Variants in SRGAP2B observed in about 807,000 individuals in gnomAD.
The protein encoded by SRGAP2B is SLIT-ROBO Rho GTPase-activating protein 2B.
SRGAP2B carries 9 observed loss-of-function variants against 22.2 expected under a neutral mutation model. That is an observed-to-expected ratio of 0.41 (90% CI 0.24 to 0.71). The LOEUF (loss-of-function observed/expected upper bound fraction) is 0.71, where lower values mean the gene tolerates loss of function less well. SRGAP2B is among the 30% of genes least tolerant of loss of function. The pLI, the probability that SRGAP2B is intolerant of heterozygous loss-of-function variation, is 0.35. For missense variants in SRGAP2B, 114 were observed against 235.8 expected, an observed-to-expected ratio of 0.48 and a Z score of 3.38; for synonymous variants, 36 against 87.4, an observed-to-expected ratio of 0.41 and a Z score of 3.28.
At chr1:144,940,886 T>C (rs1665987563) in intron 4 of SRGAP2B, among the ~76,000 whole-genome samples, 1 of 148,742 alleles carries the variant, frequency 6.7e-6, no homozygotes, top group Non-Finnish European at 1.5e-5. Context: ...TACAGACTGC[T>C]GTATGATCAT....
At chr1:144,975,036 G>T (rs1668793157) in intron 3 of SRGAP2B, among the ~76,000 whole-genome samples, 1 of 147,300 alleles carries the variant, frequency 6.8e-6, no homozygotes. Flanking sequence ...CCAGAAGTAG[G>T]GGAAAATGGT....
At chr1:144,924,731 C>CAAA (rs1156257790) in intron 4 of SRGAP2B, among the ~76,000 whole-genome samples, 3 of 58,184 alleles carry the variant, frequency 5.2e-5, no homozygotes, top group African/African-American at 2.2e-4. Context: ...AACTCCGTCT[C>CAAA]AAAAAAAAAA....
intron 2 of SRGAP2B, among the ~76,000 whole-genome samples, chr1:144,996,068 T>C (rs1310775947): frequency 6.6e-6 from 1 of 151,118 alleles, no homozygotes; most frequent in Non-Finnish European, 1.5e-5. Context: ...GGTCCTTGTA[T>C]GGAGCTAGCA....
chr1:145,044,220 T>A, intron 2 of SRGAP2B, among the ~76,000 whole-genome samples: 2 of 136,728 alleles, frequency 1.5e-5, no homozygotes, highest in Non-Finnish European at 3.1e-5. Context: ...TTTTTTTTTT[T>A]TTGCCAGAAA....
At chr1:144,942,475 A>T (rs1666125676) in intron 4 of SRGAP2B, among the ~76,000 whole-genome samples, 1 of 150,108 alleles carries the variant, frequency 6.7e-6, no homozygotes, top group South Asian at 2.1e-4. Flanking sequence ...GCTGGAGTGC[A>T]ATGGCACAAT....
At chr1:145,076,351 T>C (rs1393880179) in intron 2 of SRGAP2B, among the ~76,000 whole-genome samples, 1 of 149,852 alleles carries the variant, frequency 6.7e-6, no homozygotes, top group African/African-American at 2.5e-5. Context: ...AAAAAATACC[T>C]GTATACACAA....
intron 4 of SRGAP2B, among the ~76,000 whole-genome samples, chr1:144,951,079 C>A (rs1159817388): frequency 6.6e-6 from 1 of 150,832 alleles, no homozygotes; most frequent in Non-Finnish European, 1.5e-5. Context: ...AACTCCTGAC[C>A]TCAGGTGATC....
intron 3 of SRGAP2B, among the ~76,000 whole-genome samples, chr1:144,975,211 C>T (rs587609452): frequency 3.4e-5 from 5 of 148,640 alleles, no homozygotes; most frequent in Admixed American, 6.6e-5. Context: ...GACCCCATTC[C>T]GGAGAGGAAA....
intron 4 of SRGAP2B, among the ~76,000 whole-genome samples, chr1:144,951,424 G>GATCCAAGCTTCA (rs1553609362): frequency 1.5e-5 from 2 of 136,776 alleles, no homozygotes; most frequent in Non-Finnish European, 3.1e-5. Context: ...TGCTTCAAGC[G>GATCCAAGCTTCA]ATCCTCCCAC....
Position 144,970,097 on chromosome 1 carries a change from C to A in SRGAP2B, c.261-14496G>T, listed in dbSNP as rs1373676909. ...TGTGGAAGTCAGTGTGGCGATTCCT[C>A]AGGGATCTAGAACTAGAAATACCAT... On this transcript the variant is annotated intron_variant, in intron 3 of 9. Coordinates refer to ENST00000612199, the Ensembl canonical transcript of SRGAP2B. 9.5e-5 allele frequency among the ~76,000 whole-genome samples: 14 copies of A among 148,074 alleles called. 1 individual carries two copies. Among genetic ancestry groups the A allele is most frequent in the African/African-American group, 3.3e-4 (13 of 38,898 alleles).
intron 2 of SRGAP2B, among the ~76,000 whole-genome samples, chr1:145,019,179 C>CAAA (rs1169095846): frequency 4.9e-5 from 2 of 40,668 alleles, no homozygotes; most frequent in African/African-American, 1.1e-4. Flanking sequence ...CTTGTCTCTA[C>CAAA]AAAAAAAAAA....
At chr1:145,088,520 T>A (rs1553635813) in intron 2 of SRGAP2B, among the ~76,000 whole-genome samples, 1 of 140,588 alleles carries the variant, frequency 7.1e-6, no homozygotes, top group Non-Finnish European at 1.5e-5. Context: ...CAGCATACAG[T>A]GCCACCCTGT....
chr1:145,083,172 G>A (rs1453169356), intron 2 of SRGAP2B, among the ~76,000 whole-genome samples: 4 of 145,074 alleles, frequency 2.8e-5, no homozygotes, highest in Non-Finnish European at 5.9e-5. Context: ...CCGCACAGGG[G>A]AGCAGGGAAG....
intron 4 of SRGAP2B, among the ~76,000 whole-genome samples, chr1:144,952,500 C>T (rs587766421): frequency 2.0e-5 from 3 of 149,228 alleles, no homozygotes; most frequent in Admixed American, 2.0e-4. Context: ...GAGAATGAAT[C>T]AATTTTTTTT....
At chr1:144,942,455 T>A (rs1666122947) in intron 4 of SRGAP2B, among the ~76,000 whole-genome samples, 1 of 150,022 alleles carries the variant, frequency 6.7e-6, no homozygotes, top group African/African-American at 2.5e-5. Context: ...AGTTTTGCTC[T>A]GTCACCCATG....
At chr1:144,943,446 T>C (rs1417877377) in intron 4 of SRGAP2B, among the ~76,000 whole-genome samples, 1 of 151,778 alleles carries the variant, frequency 6.6e-6, no homozygotes, top group African/African-American at 2.4e-5. Context: ...ATCATATTTT[T>C]GCTTTCTGTA....
intron 2 of SRGAP2B, among the ~76,000 whole-genome samples, chr1:145,023,085 A>T (rs1276716860): frequency 1.3e-5 from 2 of 149,302 alleles, no homozygotes; most frequent in African/African-American, 5.1e-5. Flanking sequence ...GAATCACTTG[A>T]ACCCGGGAGA....
chr1:145,070,158 G>A (rs4844914), intron 2 of SRGAP2B, among the ~76,000 whole-genome samples: 6 of 147,464 alleles, frequency 4.1e-5, no homozygotes, highest in African/African-American at 7.8e-5. Context: ...TATCCAACTC[G>A]GGAATAAAAA....
At chr1:144,963,447 C>T (rs1245797127) in intron 3 of SRGAP2B, among the ~76,000 whole-genome samples, 153 of 134,976 alleles carry the variant, frequency 1.1e-3, no homozygotes, top group Middle Eastern at 3.5e-3. Flanking sequence ...AAAAAGAATT[C>T]GTAACCATCA....
Sources: allele counts gnomAD v4.1 joint callset (sites outside exome capture counted in the v4.1 genomes callset), GRCh38; gene constraint gnomAD v4.1.1; transcripts MANE v1.5; gene names NCBI Gene and HGNC (gene_info 2026-07-23, HGNC 2026-07-21).